Variants in SBF2 observed in about 807,000 individuals in gnomAD.
SBF2 encodes SET binding factor 2.
Under a neutral mutation model 225.2 loss-of-function variants are expected in SBF2, and 112 were observed. The ratio of observed to expected loss-of-function variants is 0.50; its 90% CI spans 0.43 to 0.58. SBF2 has a LOEUF of 0.58. Ranked by LOEUF, SBF2 falls within the 20% of genes least tolerant of loss-of-function variation. The pLI, the probability that SBF2 is intolerant of heterozygous loss-of-function variation, is 0.00. For missense variants in SBF2, 1,996 were observed against 2,206.2 expected (o/e 0.90, Z 1.91); for synonymous variants, 763 against 773.3 (o/e 0.99, Z 0.22).
intron 38 of SBF2, chr11:9,783,247 CCATT>C (rs1852151620): frequency 6.6e-6 from 1 of 152,134 alleles, no homozygotes. Flanking sequence ...AACAGGGCTT[CCATT>C]TGTATATTTG....
In SBF2 at chr11:10,173,708, G is replaced by A. The variant is rs576935906; in HGVS notation, c.141+20194C>T. Among the ~76,000 whole-genome samples, 6 of 151,896 alleles carry A rather than the reference G, an allele frequency of 4.0e-5. No individual in the cohort carries two copies. The East Asian group carries it at 1.2e-3, about 30-fold the overall frequency. On this transcript the variant is annotated intron_variant, in intron 2 of 39. Coordinates refer to ENST00000256190, the MANE Select transcript of SBF2 (RefSeq NM_030962.4). ...TCTGTAGGCTCCACCTCTGGGGGCAGGGCACAGACAAACAAAAAGACAGCA... is the reference window on the plus strand; with the variant it reads ...TCTGTAGGCTCCACCTCTGGGGGCAAGGCACAGACAAACAAAAAGACAGCA...
chr11:10,288,251 G>C (rs971137463), intron 1 of SBF2, among the ~76,000 whole-genome samples: 12 of 152,106 alleles, frequency 7.9e-5, no homozygotes, highest in Admixed American at 7.2e-4. Context: ...ACCATTCAAG[G>C]GTCCCAAGTT....
chr11:9,977,978 A>G (rs1437418217), intron 13 of SBF2, among the ~76,000 whole-genome samples: 2 of 152,234 alleles, frequency 1.3e-5, no homozygotes, highest in African/African-American at 2.4e-5. Context: ...CTTCAGTGCA[A>G]TAAAGTATTT....
chr11:10,015,298 T>G lies in SBF2; in HGVS notation c.620-12609A>C, dbSNP rs141595949. ...TTCTTGTGAGTCAAACTATTTAAAA[T>G]AAAGAGTGATACTTTTTAAAGTCTG... On this transcript the variant is annotated intron_variant, in intron 6 of 39. Coordinates refer to ENST00000256190, the MANE Select transcript of SBF2 (RefSeq NM_030962.4). 2.6e-5 allele frequency among the ~76,000 whole-genome samples: 4 copies of G among 152,322 alleles called. No individual in the cohort carries two copies. The East Asian group carries it at 7.7e-4, about 29-fold the overall frequency.
chr11:9,787,044 C>T (rs1167077543), intron 36 of SBF2, among the ~76,000 whole-genome samples: 2 of 152,082 alleles, frequency 1.3e-5, no homozygotes, highest in African/African-American at 2.4e-5. Flanking sequence ...TACAGGCATG[C>T]GCCACCACAC....
chr11:10,173,497 C>A (rs1441773420), intron 2 of SBF2, among the ~76,000 whole-genome samples: 1 of 152,214 alleles, frequency 6.6e-6, no homozygotes, highest in Non-Finnish European at 1.5e-5. Context: ...CCCCACCTGG[C>A]TGGGAGGGTC....
At chr11:9,845,504 T>C (rs1436804442) in intron 24 of SBF2, 61 bp downstream of exon 24, 7 of 1,424,204 alleles carry the variant, frequency 4.9e-6, no homozygotes, top group Admixed American at 1.7e-5. Context: ...AAAGGATAGG[T>C]TACTCCTTTT....
chr11:10,130,726 T>TA (rs1954002140), intron 2 of SBF2, among the ~76,000 whole-genome samples: 1 of 152,206 alleles, frequency 6.6e-6, no homozygotes, highest in African/African-American at 2.4e-5. Flanking sequence ...TGACTACCAT[T>TA]AATTTCCTGG....
intron 6 of SBF2, among the ~76,000 whole-genome samples, chr11:10,024,140 C>T (rs1175382794): frequency 3.3e-5 from 5 of 152,088 alleles, no homozygotes; most frequent in Non-Finnish European, 5.9e-5. Flanking sequence ...ATCTATGTTG[C>T]GTGTATCAGC....
intron 19 of SBF2, among the ~76,000 whole-genome samples, chr11:9,855,885 A>C (rs1257549271): frequency 6.6e-6 from 1 of 152,238 alleles, no homozygotes; most frequent in Non-Finnish European, 1.5e-5. Context: ...TGAGGCAGGA[A>C]TATGCTTGGA....
chr11:9,864,689 A>G (rs1858042376), intron 17 of SBF2, among the ~76,000 whole-genome samples: 1 of 151,654 alleles, frequency 6.6e-6, no homozygotes, highest in South Asian at 2.1e-4. Flanking sequence ...GCCCAGTTGA[A>G]CTCTGTTTTT....
intron 30 of SBF2, among the ~76,000 whole-genome samples, chr11:9,812,146 G>A (rs536116601): frequency 6.6e-6 from 1 of 152,170 alleles, no homozygotes; most frequent in Admixed American, 6.5e-5. Context: ...AATGAAAGGT[G>A]AGAGCTCTTG....
intron 14 of SBF2, among the ~76,000 whole-genome samples, chr11:9,964,989 C>T (rs1159771350): frequency 1.3e-5 from 2 of 152,038 alleles, no homozygotes; most frequent in African/African-American, 4.8e-5. Context: ...TATATTGTAG[C>T]CATTAAGTAA....
At chr11:10,298,800 T>C (rs959247782), upstream of SBF2, among the ~76,000 whole-genome samples, 2 of 152,202 alleles carry the variant, frequency 1.3e-5, no homozygotes, top group Non-Finnish European at 2.9e-5. Flanking sequence ...ATATGTCCGC[T>C]TCTCTCCACC....
At chr11:10,207,241 G>A (rs1243797865) in intron 1 of SBF2, among the ~76,000 whole-genome samples, 3 of 151,848 alleles carry the variant, frequency 2.0e-5, no homozygotes, top group East Asian at 3.9e-4. Flanking sequence ...TATTTCCCAC[G>A]AAACTACCCT....
chr11:10,278,639 C>T (rs1963153882), intron 1 of SBF2, among the ~76,000 whole-genome samples: 2 of 151,832 alleles, frequency 1.3e-5, no homozygotes, highest in Non-Finnish European at 1.5e-5. Flanking sequence ...AAATATTAGC[C>T]GGGCATGGTG....
chr11:9,804,162 A>G (rs1372541265), intron 32 of SBF2, among the ~76,000 whole-genome samples: 2 of 152,196 alleles, frequency 1.3e-5, no homozygotes, highest in African/African-American at 2.4e-5. Flanking sequence ...AACAAACCTG[A>G]TAAGCTCTAG....
chr11:10,040,091 A>G (rs1949595987), intron 3 of SBF2, among the ~76,000 whole-genome samples: 1 of 152,014 alleles, frequency 6.6e-6, no homozygotes, highest in Non-Finnish European at 1.5e-5. Context: ...TGCTATAGGC[A>G]AGAATCATTA....
chr11:9,787,572 C>T (rs1040467077), intron 36 of SBF2, 62 bp downstream of exon 36: 14 of 1,405,052 alleles, frequency 1.0e-5, no homozygotes, highest in Non-Finnish European at 1.3e-5. Flanking sequence ...GCAGCAGGCT[C>T]CACCTGACTT....
Sources: allele counts gnomAD v4.1 joint callset (sites outside exome capture counted in the v4.1 genomes callset), GRCh38; gene constraint gnomAD v4.1.1; transcripts MANE v1.5; gene names NCBI Gene and HGNC (gene_info 2026-07-23, HGNC 2026-07-21).